Variants in ERI3 observed in about 807,000 individuals in gnomAD.
ERI3 encodes ERI1 exoribonuclease 3.
Under a neutral mutation model 44.4 loss-of-function variants are expected in ERI3, and 18 were observed. The observed-to-expected ratio is 0.41, with a 90% CI of 0.28 to 0.60. The LOEUF (loss-of-function observed/expected upper bound fraction) is 0.60. Among genes scored for constraint, ERI3 ranks in the 20% least tolerant of loss-of-function variants. The pLI, the probability that ERI3 is intolerant of heterozygous loss-of-function variation, is 0.36. For synonymous variants in ERI3, 183 were observed against 164.8 expected, an observed-to-expected ratio of 1.11 and a Z score of -0.84; for missense variants, 294 against 435.5, an observed-to-expected ratio of 0.68 and a Z score of 2.89.
chr1:44,280,034 G>A (rs757831922), intron 7 of ERI3, among the ~76,000 whole-genome samples: 2 of 152,156 alleles, frequency 1.3e-5, no homozygotes, highest in Middle Eastern at 6.8e-3. Context: ...ACATGTTATG[G>A]ACCACATTCA....
intron 2 of ERI3, among the ~76,000 whole-genome samples, chr1:44,345,661 A>T (rs1005529165): frequency 6.6e-6 from 1 of 152,208 alleles, no homozygotes; most frequent in Non-Finnish European, 1.5e-5. Flanking sequence ...AGCAGCTAAA[A>T]ATAGCCTGGG....
intron 7 of ERI3, among the ~76,000 whole-genome samples, chr1:44,249,663 T>C (rs978313420): frequency 6.6e-6 from 1 of 152,098 alleles, no homozygotes; most frequent in Non-Finnish European, 1.5e-5. Flanking sequence ...AATCAGGGGC[T>C]GAGTGTGAGG....
chr1:44,316,839 T>C (rs1318200333), intron 4 of ERI3, among the ~76,000 whole-genome samples: 2 of 152,056 alleles, frequency 1.3e-5, no homozygotes, highest in Non-Finnish European at 2.9e-5. Flanking sequence ...CTGCTAGAGA[T>C]AGAGACTTGA....
At chr1:44,249,847 A>C (rs1572109390) in intron 7 of ERI3, among the ~76,000 whole-genome samples, 3 of 152,294 alleles carry the variant, frequency 2.0e-5, no homozygotes, top group Admixed American at 2.0e-4. Context: ...CAAGTACTTT[A>C]AAATCACTTA....
intron 5 of ERI3, among the ~76,000 whole-genome samples, chr1:44,312,187 G>A (rs1010296422): frequency 6.6e-6 from 1 of 152,152 alleles, no homozygotes; most frequent in African/African-American, 2.4e-5. Flanking sequence ...CCTGCTCCCT[G>A]CCACTACGCT....
chr1:44,264,397 C>T (rs1246548339), intron 7 of ERI3, among the ~76,000 whole-genome samples: 2 of 152,186 alleles, frequency 1.3e-5, no homozygotes, highest in Non-Finnish European at 2.9e-5. Flanking sequence ...ATTGACAGGA[C>T]GTGGCTTTAA....
At chr1:44,306,113 G>A (rs560318883) in intron 6 of ERI3, among the ~76,000 whole-genome samples, 1 of 152,294 alleles carries the variant, frequency 6.6e-6, no homozygotes, top group Admixed American at 6.5e-5. Context: ...AGCCTTCCCA[G>A]CAGTTATGCA....
intron 2 of ERI3, 47 bp downstream of exon 2, chr1:44,352,803 C>G: frequency 6.2e-7 from 1 of 1,610,676 alleles, no homozygotes; most frequent in Non-Finnish European, 8.5e-7. Context: ...AGCCCAAATA[C>G]TCAGAAGAAA....
At chr1:44,324,555 C>T (rs141686070) in intron 3 of ERI3, among the ~76,000 whole-genome samples, 109 of 142,198 alleles carry the variant, frequency 7.7e-4, no homozygotes, top group Middle Eastern at 4.4e-3. Context: ...GATCTTGGCT[C>T]ACTGCAAGCT....
chr1:44,275,169 T>G (rs947002045), intron 7 of ERI3, among the ~76,000 whole-genome samples: 29 of 152,276 alleles, frequency 1.9e-4, no homozygotes, highest in African/African-American at 6.0e-4. Context: ...TTGTTTGTTT[T>G]TTTTTCCAAG....
At chr1:44,227,529 C>G (rs1644074023) in intron 8 of ERI3, among the ~76,000 whole-genome samples, 1 of 152,082 alleles carries the variant, frequency 6.6e-6, no homozygotes, top group African/African-American at 2.4e-5. Flanking sequence ...GCAGCCCCAC[C>G]AGCTCCATAC....
chr1:44,262,832 C>T (rs772068125), intron 7 of ERI3, among the ~76,000 whole-genome samples: 5 of 152,210 alleles, frequency 3.3e-5, no homozygotes, highest in East Asian at 1.9e-4. Context: ...TCTCCAGATT[C>T]TTTCCTCCCA....
chr1:44,347,164 A>C (rs1377787034), intron 2 of ERI3, among the ~76,000 whole-genome samples: 4 of 152,248 alleles, frequency 2.6e-5, no homozygotes, highest in Admixed American at 6.5e-5. Context: ...CCAACAATGC[A>C]TATCAACTGC....
At chr1:44,310,951 T>TCGTG (rs1553195163) in intron 5 of ERI3, among the ~76,000 whole-genome samples, 63 of 95,044 alleles carry the variant, frequency 6.6e-4, no homozygotes, top group African/African-American at 2.5e-3. Context: ...TATGTGCACA[T>TCGTG]CGCGCGCGCG....
chr1:44,340,980 A>G (rs1487538123), intron 2 of ERI3, among the ~76,000 whole-genome samples: 3 of 152,178 alleles, frequency 2.0e-5, no homozygotes, highest in African/African-American at 7.2e-5. Context: ...TGCTCAAATT[A>G]CCCATTCTAG....
chr1:44,289,914 G>A (rs927694948), intron 6 of ERI3, among the ~76,000 whole-genome samples: 21 of 152,246 alleles, frequency 1.4e-4, no homozygotes, highest in African/African-American at 3.6e-4. Context: ...CAGACTGGCA[G>A]ACAGGCCAAC....
chr1:44,238,432 G>A (rs1246489376), intron 8 of ERI3, among the ~76,000 whole-genome samples: 1 of 152,140 alleles, frequency 6.6e-6, no homozygotes, highest in Non-Finnish European at 1.5e-5. Context: ...GCAGTGGGAC[G>A]GGACAGGTCG....
At chr1:44,278,259 C>T (rs1645218486) in intron 7 of ERI3, among the ~76,000 whole-genome samples, 1 of 152,086 alleles carries the variant, frequency 6.6e-6, no homozygotes, top group African/African-American at 2.4e-5. Flanking sequence ...AGGTTGATTG[C>T]TGAGGCAAGG....
chr1:44,256,930 A>AG (rs1162792390), intron 7 of ERI3: 1 of 152,238 alleles, frequency 6.6e-6, no homozygotes, highest in East Asian at 1.9e-4. Flanking sequence ...CCTGCAGAAG[A>AG]GGGTGGCCTG....
Sources: gnomAD v4.1 joint callset for allele counts (sites outside exome capture counted in the v4.1 genomes callset) on GRCh38, gnomAD v4.1.1 for gene constraint, MANE v1.5 for transcripts, NCBI Gene and HGNC (gene_info 2026-07-23, HGNC 2026-07-21) for gene names.